The following MEMO1 variants were observed in gnomAD, a reference collection of about 807,000 sequenced individuals.
MEMO1 encodes the protein mediator of cell motility 1.
A neutral mutation model predicts 45.2 loss-of-function variants in MEMO1; 6 were observed. That is an observed-to-expected ratio of 0.13 (90% CI 0.07 to 0.26). The LOEUF (loss-of-function observed/expected upper bound fraction) is 0.26, where lower values mean the gene tolerates loss of function less well. MEMO1 is among the 10% of genes least tolerant of loss of function. The pLI is 1.00. For missense variants in MEMO1, 184 were observed against 370.5 expected, an observed-to-expected ratio of 0.50 and a Z score of 4.13; for synonymous variants, 78 against 124.3, an observed-to-expected ratio of 0.63 and a Z score of 2.48.
At chr2:31,972,858 C>A (rs1038150762) in intron 2 of MEMO1, among the ~76,000 whole-genome samples, 2 of 152,190 alleles carry the variant, frequency 1.3e-5, no homozygotes, top group Non-Finnish European at 2.9e-5. Context: ...CTTAAATAGA[C>A]ATTTCTCCAA....
intron 7 of MEMO1, 35 bp from the exon 8 acceptor site, chr2:31,883,497 G>A: frequency 7.0e-7 from 1 of 1,429,370 alleles, no homozygotes; most frequent in Non-Finnish European, 9.5e-7. Flanking sequence ...ATAAAATAGG[G>A]AAAAATTAGA....
At chr2:31,993,415 A>AT (rs1672180710) in intron 2 of MEMO1, among the ~76,000 whole-genome samples, 1 of 152,172 alleles carries the variant, frequency 6.6e-6, no homozygotes, top group African/African-American at 2.4e-5. Flanking sequence ...ACAAAATGAG[A>AT]TTTTAAATGA....
chr2:31,922,680 G>A (rs751241381), intron 4 of MEMO1, among the ~76,000 whole-genome samples: 4 of 151,428 alleles, frequency 2.6e-5, no homozygotes, highest in Non-Finnish European at 4.4e-5. Flanking sequence ...CCTTCCTTAC[G>A]TCCATATGTA....
intron 2 of MEMO1, among the ~76,000 whole-genome samples, chr2:32,009,847 G>A (rs1175447679): frequency 1.3e-5 from 2 of 152,122 alleles, no homozygotes; most frequent in Non-Finnish European, 1.5e-5. Flanking sequence ...GCCAGAGGCG[G>A]CGACAAGTCG....
chr2:31,880,216 C>T (rs1675155311), intron 8 of MEMO1, among the ~76,000 whole-genome samples: 1 of 152,006 alleles, frequency 6.6e-6, no homozygotes, highest in Non-Finnish European at 1.5e-5. Flanking sequence ...TGGAAAAAGC[C>T]AGAAAAAGTT....
chr2:31,988,541 G>T (rs1671556432), intron 2 of MEMO1, among the ~76,000 whole-genome samples: 1 of 152,018 alleles, frequency 6.6e-6, no homozygotes, highest in Non-Finnish European at 1.5e-5. Context: ...GCAAGACTCT[G>T]TCTCGAAAAA....
At chr2:31,972,712 A>G (rs1333560100) in intron 2 of MEMO1, among the ~76,000 whole-genome samples, 1 of 152,012 alleles carries the variant, frequency 6.6e-6, no homozygotes, top group Non-Finnish European at 1.5e-5. Context: ...CTCCATCTCA[A>G]AAAAAAAGCT....
At chr2:31,963,809 A>G (rs576200343) in intron 2 of MEMO1, among the ~76,000 whole-genome samples, 33 of 152,348 alleles carry the variant, frequency 2.2e-4, no homozygotes, top group Non-Finnish European at 3.8e-4. Flanking sequence ...GTGCTGTTCA[A>G]TACAGGAGTC....
At chr2:31,926,878 A>G (rs1350891550) in intron 4 of MEMO1, among the ~76,000 whole-genome samples, 2 of 151,024 alleles carry the variant, frequency 1.3e-5, no homozygotes, top group East Asian at 1.9e-4. Flanking sequence ...AAAACAAAAC[A>G]AAACAAAAAG....
At chr2:31,899,432 G>T (rs1261605052) in intron 6 of MEMO1, among the ~76,000 whole-genome samples, 2 of 152,150 alleles carry the variant, frequency 1.3e-5, no homozygotes, top group African/African-American at 4.8e-5. Flanking sequence ...CAAGCAATGG[G>T]GAAATGATTC....
Position 31,883,447 on chromosome 2 carries a change from T to C in MEMO1, c.596A>G (p.Tyr199Cys). ...CCCCTGGGATTCATCATAGTAACTG[T>C]AACGGAACCTTTGACCTTGAAACAA... The part of the protein sequence containing the change: ...DFCHWGQRFR[Y>C]SYYDESQGEI... Residue 199 changes from tyrosine to cysteine, a missense_variant, in exon 8 of 10, where the codon TAC becomes TGC. By Grantham distance (194) the Tyr-to-Cys change is radical. This residue lies in a region of MEMO1 where 97 missense variants were observed against 209.3 expected (regional missense o/e 0.46). Coordinates refer to ENST00000404530, the MANE Select transcript of MEMO1 (RefSeq NM_001301833.4). 6.3e-7 allele frequency: 1 copy of C among 1,590,588 alleles called. No individual in the cohort carries two copies. Among genetic ancestry groups the C allele is most frequent in the Non-Finnish European group, 8.5e-7 (1 of 1,170,238 alleles).
At chr2:31,899,137 T>TC (rs1212632866) in intron 6 of MEMO1, among the ~76,000 whole-genome samples, 8 of 152,120 alleles carry the variant, frequency 5.3e-5, no homozygotes, top group Admixed American at 5.2e-4. Context: ...TCAATGCTAT[T>TC]CCCATCAAGC....
chr2:31,889,751 C>T (rs773070603), intron 7 of MEMO1, among the ~76,000 whole-genome samples: 2 of 151,912 alleles, frequency 1.3e-5, no homozygotes, highest in African/African-American at 2.4e-5. Context: ...AGTAGTAGCA[C>T]GGTGCTTTCC....
At chr2:31,944,776 A>G (rs1293810714) in intron 2 of MEMO1, among the ~76,000 whole-genome samples, 1 of 151,932 alleles carries the variant, frequency 6.6e-6, no homozygotes, top group African/African-American at 2.4e-5. Flanking sequence ...CTTTACAACA[A>G]ATTTTCTTGA....
At chr2:31,913,691 A>G in intron 6 of MEMO1, among the ~76,000 whole-genome samples, 1 of 152,216 alleles carries the variant, frequency 6.6e-6, no homozygotes, top group East Asian at 1.9e-4. Flanking sequence ...GTACTGTGCT[A>G]TGCATAGCAG....
At chr2:31,965,941 C>A (rs993397431) in intron 2 of MEMO1, among the ~76,000 whole-genome samples, 4 of 151,994 alleles carry the variant, frequency 2.6e-5, no homozygotes, top group Non-Finnish European at 4.4e-5. Flanking sequence ...ACCTGCACAT[C>A]CTACACATGT....
intron 5 of MEMO1, 24 bp downstream of exon 5, chr2:31,920,774 G>C: frequency 7.4e-7 from 1 of 1,345,472 alleles, no homozygotes; most frequent in Non-Finnish European, 1.0e-6. Flanking sequence ...CTATTTGAAA[G>C]CTATAATATT....
intron 3 of MEMO1, among the ~76,000 whole-genome samples, chr2:31,942,043 C>T (rs928197600): frequency 6.6e-6 from 1 of 152,196 alleles, no homozygotes; most frequent in East Asian, 1.9e-4. Flanking sequence ...AGTAAACCTT[C>T]ACTCTTCTCA....
intron 6 of MEMO1, among the ~76,000 whole-genome samples, chr2:31,901,766 G>T (rs1467903711): frequency 6.6e-6 from 1 of 151,898 alleles, no homozygotes; most frequent in African/African-American, 2.4e-5. Context: ...AAAATTAGCT[G>T]GGCGTGGTGG....
Sources: allele counts gnomAD v4.1 joint callset (sites outside exome capture counted in the v4.1 genomes callset), GRCh38; gene constraint gnomAD v4.1.1; regional missense constraint gnomAD v4.1.1; transcripts MANE v1.5; gene names NCBI Gene and HGNC (gene_info 2026-07-23, HGNC 2026-07-21).